The following ZYG11B variants were observed in gnomAD, a reference collection of about 807,000 sequenced individuals.
ZYG11B encodes protein zyg-11 homolog B.
ZYG11B carries 36 observed loss-of-function variants against 82.4 expected under a neutral mutation model. The observed-to-expected ratio is 0.44, with a 90% confidence interval of 0.33 to 0.58. ZYG11B has a LOEUF of 0.58. ZYG11B is among the 20% of genes least tolerant of loss of function. The probability of loss-of-function intolerance (pLI) is 0.02; values close to 1 mark genes in which losing one functional copy is unlikely to be tolerated. For synonymous variants in ZYG11B, 303 were observed against 312.8 expected, an observed-to-expected ratio of 0.97 and a Z score of 0.33; for missense variants, 552 against 895.6, an observed-to-expected ratio of 0.62 and a Z score of 4.90.
intron 1 of ZYG11B, among the ~76,000 whole-genome samples, chr1:52,755,127 A>AT (rs1644562878): frequency 6.6e-6 from 1 of 151,474 alleles, no homozygotes. Context: ...TGCCTGGCTA[A>AT]TTTTTTTGTA....
intron 10 of ZYG11B, among the ~76,000 whole-genome samples, 199 bp downstream of exon 10, chr1:52,802,338 CTCTT>C (rs1645082165): frequency 6.8e-5 from 9 of 131,848 alleles, no homozygotes; most frequent in African/African-American, 2.8e-4. Flanking sequence ...CTTTCTTTCT[CTCTT>C]TTTTTTTTTT....
At chr1:52,758,925 A>C (rs1644603103) in intron 2 of ZYG11B, among the ~76,000 whole-genome samples, 1 of 151,886 alleles carries the variant, frequency 6.6e-6, no homozygotes, top group Non-Finnish European at 1.5e-5. Flanking sequence ...GATTATGCTC[A>C]GTATATTATT....
At chr1:52,746,518 A>G (rs1358589971) in intron 1 of ZYG11B, among the ~76,000 whole-genome samples, 1 of 152,048 alleles carries the variant, frequency 6.6e-6, no homozygotes, top group Non-Finnish European at 1.5e-5. Context: ...TAGGAGAGTG[A>G]TAAAGGGACT....
chr1:52,731,241 C>T (rs1644329472), intron 1 of ZYG11B, among the ~76,000 whole-genome samples: 1 of 150,640 alleles, frequency 6.6e-6, no homozygotes, highest in East Asian at 2.0e-4. Flanking sequence ...TGCCACTGCA[C>T]TCCAGCCTGG....
At chr1:52,734,428 A>G (rs1278282027) in intron 1 of ZYG11B, among the ~76,000 whole-genome samples, 1 of 129,870 alleles carries the variant, frequency 7.7e-6, no homozygotes, top group Non-Finnish European at 1.6e-5. Flanking sequence ...ATTATTAACA[A>G]TGGAATAAAA....
At chr1:52,745,938 G>A (rs1644472359) in intron 1 of ZYG11B, among the ~76,000 whole-genome samples, 3 of 150,786 alleles carry the variant, frequency 2.0e-5, no homozygotes, top group African/African-American at 7.4e-5. Context: ...GTGCAAACAA[G>A]GGGAGAATCG....
intron 6 of ZYG11B, among the ~76,000 whole-genome samples, chr1:52,795,615 T>A (rs1168056673): frequency 6.6e-6 from 1 of 152,102 alleles, no homozygotes; most frequent in African/African-American, 2.4e-5. Context: ...GGAATGCTTG[T>A]CCCCTAAATG....
chr1:52,793,868 TTTCCTTCCTTCCTTCC>T (rs751920808), intron 6 of ZYG11B, among the ~76,000 whole-genome samples: 3 of 95,436 alleles, frequency 3.1e-5, no homozygotes, highest in African/African-American at 8.5e-5. Flanking sequence ...CTTTTCTTTC[TTTCCTTCCTTCCTTCC>T]TTCCTTCCTT....
At chr1:52,818,267 G>GT (rs970168619) in intron 13 of ZYG11B, among the ~76,000 whole-genome samples, 2 of 151,680 alleles carry the variant, frequency 1.3e-5, no homozygotes, top group Admixed American at 1.3e-4. Context: ...GAGCCCGGGA[G>GT]TTTGAGACCA....
At chr1:52,786,377 A>G (rs1375516398) in intron 5 of ZYG11B, among the ~76,000 whole-genome samples, 2 of 152,210 alleles carry the variant, frequency 1.3e-5, no homozygotes, top group African/African-American at 4.8e-5. Flanking sequence ...AAATCCATCA[A>G]ATTGTACACT....
At chr1:52,783,487 CA>C (rs937873592) in intron 4 of ZYG11B, among the ~76,000 whole-genome samples, 4 of 151,506 alleles carry the variant, frequency 2.6e-5, no homozygotes, top group African/African-American at 9.7e-5. Flanking sequence ...CAAAGGACCC[CA>C]AAAGATTCCT....
intron 1 of ZYG11B, among the ~76,000 whole-genome samples, chr1:52,747,003 C>A (rs1165131714): frequency 6.6e-6 from 1 of 150,476 alleles, no homozygotes; most frequent in Non-Finnish European, 1.5e-5. Flanking sequence ...AGGTCCAGTT[C>A]TGCCACATTC....
At chr1:52,775,720 T>C (rs1418962182) in intron 3 of ZYG11B, among the ~76,000 whole-genome samples, 1 of 151,668 alleles carries the variant, frequency 6.6e-6, no homozygotes, top group East Asian at 1.9e-4. Context: ...CAAAAAGATA[T>C]CTGTTAATAT....
intron 1 of ZYG11B, among the ~76,000 whole-genome samples, chr1:52,732,800 C>T (rs1644344558): frequency 1.3e-5 from 2 of 151,672 alleles, no homozygotes; most frequent in Admixed American, 6.6e-5. Context: ...GTGGTGAAAC[C>T]CTGTCTCTAC....
rs57309331 is a variant in ZYG11B, at chr1:52,740,565, C to CTTTTT, written c.30+13898_30+13902dup. Among the ~76,000 whole-genome samples, 21 of 124,948 alleles carry CTTTTT rather than the reference C, an allele frequency of 1.7e-4. 1 individual carries two copies. The highest frequency in any genetic ancestry group is 5.0e-4 in the African/African-American group (16 of 31,932). 82.0% of individuals were successfully genotyped at this position (124,948 alleles called of 152,430 possible). ...TGATCTATGCCCTTGGTACTACCTT[C>CTTTTT]TTTTTTTTTTTTTTTTTTTTGAGAC... is the stretch of plus-strand genomic sequence containing the variant. On this transcript the variant is annotated intron_variant, in intron 1 of 13. Coordinates refer to ENST00000294353, the MANE Select transcript of ZYG11B (RefSeq NM_024646.3).
chr1:52,803,195 T>C (rs1367040125), intron 10 of ZYG11B, among the ~76,000 whole-genome samples: 7 of 82,408 alleles, frequency 8.5e-5, no homozygotes, highest in African/African-American at 4.0e-4. Context: ...TATACACATA[T>C]ATATATATAC....
chr1:52,772,626 T>G (rs555719095), intron 3 of ZYG11B: 1 of 1,060,340 alleles, frequency 9.4e-7, no homozygotes, highest in Non-Finnish European at 1.5e-6. Flanking sequence ...CAGGCCCTTC[T>G]CAGGAGCACG....
chr1:52,746,701 T>TTTTTTTTTTG (rs1644480329), intron 1 of ZYG11B, among the ~76,000 whole-genome samples: 1 of 142,344 alleles, frequency 7.0e-6, no homozygotes, highest in Non-Finnish European at 1.5e-5. Flanking sequence ...TTTTTTTTTT[T>TTTTTTTTTTG]TTTTTTTTTT....
At position 52,762,321 on chromosome 1, in the gene ZYG11B, C is replaced by T. The variant is rs527495068; in HGVS notation, c.196+5698C>T. On this transcript the variant is annotated intron_variant, in intron 2 of 13. Coordinates refer to ENST00000294353, the MANE Select transcript of ZYG11B (RefSeq NM_024646.3). Reference sequence around the variant, plus strand: ...CCCCCAGGCTCAAGCAATCCTCCTGCTTCAGCCTCCCAATTAGCTGAGACT... The same window carrying T: ...CCCCCAGGCTCAAGCAATCCTCCTGTTTCAGCCTCCCAATTAGCTGAGACT... 5.3e-5 allele frequency among the ~76,000 whole-genome samples: 8 copies of T among 151,366 alleles called. No individual in the cohort carries two copies. The East Asian group carries it at 1.6e-3, about 30-fold the overall frequency.
Sources: allele counts gnomAD v4.1 joint callset (sites outside exome capture counted in the v4.1 genomes callset), GRCh38; gene constraint gnomAD v4.1.1; transcripts MANE v1.5; gene names NCBI Gene and HGNC (gene_info 2026-07-23, HGNC 2026-07-21).